The following KCNQ3 variants were observed in gnomAD, a reference collection of about 807,000 sequenced individuals.
The protein encoded by KCNQ3 is potassium voltage-gated channel subfamily Q member 3.
KCNQ3 carries 30 observed loss-of-function variants against 92.5 expected under a neutral mutation model. The ratio of observed to expected loss-of-function variants is 0.32; its 90% CI spans 0.24 to 0.44. KCNQ3 has a LOEUF of 0.44. KCNQ3 is among the 20% of genes least tolerant of loss of function. The probability of loss-of-function intolerance (pLI) is 1.00; values close to 1 mark genes in which losing one functional copy is unlikely to be tolerated. For synonymous variants in KCNQ3, 450 were observed against 468.8 expected (o/e 0.96, Z 0.52); for missense variants, 913 against 1,140.3 (o/e 0.80, Z 2.87).
At chr8:132,217,329 A>G (rs1219838848) in intron 1 of KCNQ3, among the ~76,000 whole-genome samples, 2 of 152,160 alleles carry the variant, frequency 1.3e-5, no homozygotes, top group African/African-American at 4.8e-5. Context: ...ACTATGTGCA[A>G]TTTACATTTA....
At chr8:132,185,037 C>T (rs1016480449) in intron 2 of KCNQ3, among the ~76,000 whole-genome samples, 2 of 152,224 alleles carry the variant, frequency 1.3e-5, no homozygotes, top group African/African-American at 4.8e-5. Flanking sequence ...ACACCAACAC[C>T]TCTGCCTCTC....
In KCNQ3 at chr8:132,129,511, C is replaced by G; in HGVS notation, c.2370G>C (p.Leu790=). The stretch of plus-strand genomic sequence containing the variant: ...CCTCGTGGTTGACCGACATCAGGGA[C>G]AGAGGTGTGTCACTGTCTCGCGTGA... ...RSITRDSDTP[L]SLMSVNHEEL... is the part of the protein sequence containing the mutation. Residue 790 remains leucine, a synonymous_variant, in exon 15 of 15, where the codon CTG becomes CTC. Transcript: ENST00000388996. This position sits in a 1 kb window ranked among gnomAD's most constrained non-coding sequence, Gnocchi z 5.9. 7 of 1,614,208 alleles carry G rather than the reference C, an allele frequency of 4.3e-6. No individual in the cohort carries two copies. The highest frequency in any genetic ancestry group is 5.9e-6 in the Non-Finnish European group (7 of 1,180,044).
At chr8:132,299,639 G>A (rs1488101534) in intron 1 of KCNQ3, among the ~76,000 whole-genome samples, 1 of 152,154 alleles carries the variant, frequency 6.6e-6, no homozygotes, top group Non-Finnish European at 1.5e-5. Context: ...GGAAGGACCC[G>A]ATTAATATTT....
At chr8:132,183,908 T>TGACTGGGGGTGCTACTACTCCAGG (rs1440232798) in intron 3 of KCNQ3, among the ~76,000 whole-genome samples, 1 of 152,148 alleles carries the variant, frequency 6.6e-6, no homozygotes, top group Non-Finnish European at 1.5e-5. Context: ...ATTGTCACAG[T>TGACTGGGGGTGCTACTACTCCAGG]GACTGGGGGT....
intron 9 of KCNQ3, among the ~76,000 whole-genome samples, chr8:132,163,262 G>A (rs555444097): frequency 1.3e-5 from 2 of 152,204 alleles, no homozygotes; most frequent in African/African-American, 4.8e-5. Flanking sequence ...CTCAATAAGA[G>A]GCTGCTGCCA....
intron 9 of KCNQ3, among the ~76,000 whole-genome samples, chr8:132,150,446 G>GTA (rs1486686911): frequency 6.6e-6 from 1 of 152,122 alleles, no homozygotes; most frequent in Non-Finnish European, 1.5e-5. Flanking sequence ...TGAGCCTTTA[G>GTA]TAAAGTTTGA....
chr8:132,132,041 T>G, intron 14 of KCNQ3, 139 bp downstream of exon 14: 2 of 664,654 alleles, frequency 3.0e-6, no homozygotes, highest in South Asian at 1.7e-5. Flanking sequence ...TGAGTCAAGA[T>G]CGCGCCATTG....
chr8:132,248,677 C>T (rs1815275381), intron 1 of KCNQ3, among the ~76,000 whole-genome samples: 1 of 152,208 alleles, frequency 6.6e-6, no homozygotes, highest in Non-Finnish European at 1.5e-5. Context: ...TCACCTGGGG[C>T]TGCACCTCTT....
At chr8:132,270,069 T>A (rs1025351096) in intron 1 of KCNQ3, among the ~76,000 whole-genome samples, 14 of 151,940 alleles carry the variant, frequency 9.2e-5, no homozygotes, top group Non-Finnish European at 8.8e-5. Flanking sequence ...TCTCTAACCT[T>A]CCCGCTTTCT....
intron 1 of KCNQ3, among the ~76,000 whole-genome samples, chr8:132,370,089 T>C (rs1392606886): frequency 6.6e-6 from 1 of 152,188 alleles, no homozygotes; most frequent in Non-Finnish European, 1.5e-5. Context: ...CTCAGCACTC[T>C]ATCTAGGCAC....
intron 4 of KCNQ3, among the ~76,000 whole-genome samples, chr8:132,177,655 C>A (rs1826610379): frequency 6.6e-6 from 1 of 152,208 alleles, no homozygotes; most frequent in Non-Finnish European, 1.5e-5. Flanking sequence ...AGAACCTGAC[C>A]TATCCTAACT....
At chr8:132,142,242 G>C (rs547912952) in intron 9 of KCNQ3, among the ~76,000 whole-genome samples, 1 of 152,300 alleles carries the variant, frequency 6.6e-6, no homozygotes, top group South Asian at 2.1e-4. Context: ...CTGGTACAAA[G>C]AAAATGGTTA....
intron 1 of KCNQ3, among the ~76,000 whole-genome samples, chr8:132,472,402 T>C (rs1418132520): frequency 6.6e-6 from 1 of 152,176 alleles, no homozygotes; most frequent in Non-Finnish European, 1.5e-5. Context: ...ATATGGTATA[T>C]GTACACAATG....
At chr8:132,206,731 T>A (rs1157654821) in intron 1 of KCNQ3, among the ~76,000 whole-genome samples, 1 of 152,226 alleles carries the variant, frequency 6.6e-6, no homozygotes, top group African/African-American at 2.4e-5. Flanking sequence ...CTGCATCTTC[T>A]CTCTCTTTTT....
At chr8:132,470,878 C>A (rs1822285314) in intron 1 of KCNQ3, among the ~76,000 whole-genome samples, 1 of 152,080 alleles carries the variant, frequency 6.6e-6, no homozygotes, top group Admixed American at 6.5e-5. Context: ...AGCAGGATGC[C>A]CCACAATTTG....
chr8:132,181,442 G>T (rs866783324), intron 3 of KCNQ3, among the ~76,000 whole-genome samples: 1 of 152,088 alleles, frequency 6.6e-6, no homozygotes, highest in Non-Finnish European at 1.5e-5. Context: ...CATGGGGTTT[G>T]CAGGGCTTCT....
At chr8:132,224,218 G>A in intron 1 of KCNQ3, among the ~76,000 whole-genome samples, 1 of 149,424 alleles carries the variant, frequency 6.7e-6, no homozygotes, top group Non-Finnish European at 1.5e-5. Context: ...TTCTAGATGT[G>A]AGCCTCTGCA....
chr8:132,396,426 GA>G (rs751227909), intron 1 of KCNQ3, among the ~76,000 whole-genome samples: 2,005 of 134,070 alleles, frequency 0.015, 30 homozygotes, highest in African/African-American at 0.043. Context: ...TTGGTAACAG[GA>G]AAAAAAAAAA....
At chr8:132,191,260 T>G (rs989013491) in intron 1 of KCNQ3, among the ~76,000 whole-genome samples, 1 of 152,148 alleles carries the variant, frequency 6.6e-6, no homozygotes, top group Non-Finnish European at 1.5e-5. Context: ...GATCCTCCCA[T>G]CTGTAGTAGC....
Sources: gnomAD v4.1 joint callset for allele counts (sites outside exome capture counted in the v4.1 genomes callset) on GRCh38, gnomAD v4.1.1 for gene constraint, Gnocchi (gnomAD v3.1) non-coding constraint, MANE v1.5 for transcripts, NCBI Gene and HGNC (gene_info 2026-07-23, HGNC 2026-07-21) for gene names.